Variants in SLFN12L observed in about 807,000 individuals in gnomAD.
SLFN12L encodes schlafen family member 12-like.
A neutral mutation model predicts 34.8 loss-of-function variants in SLFN12L; 34 were observed. The observed-to-expected ratio is 0.98, with a 90% CI of 0.74 to 1.30. SLFN12L has a LOEUF of 1.30. Among genes scored for constraint, SLFN12L ranks in the 50% most tolerant of loss-of-function variants. The pLI is 0.00. For missense variants in SLFN12L, 703 were observed against 696.2 expected, an observed-to-expected ratio of 1.01 and a Z score of -0.11; for synonymous variants, 259 against 247.5, an observed-to-expected ratio of 1.05 and a Z score of -0.44.
intron 4 of SLFN12L, among the ~76,000 whole-genome samples, chr17:35,476,454 CA>C (rs1914009776): frequency 4.7e-5 from 5 of 105,550 alleles, no homozygotes; most frequent in African/African-American, 7.2e-5. Context: ...GAAAAGAAAG[CA>C]AGGAAGGAAG....
chr17:35,537,179 CA>C (rs1044677321), intron 1 of SLFN12L, among the ~76,000 whole-genome samples: 7 of 146,926 alleles, frequency 4.8e-5, no homozygotes, highest in Admixed American at 6.8e-5. Context: ...GAACCTGTCT[CA>C]AAAAAAAAAG....
At position 35,474,421 on chromosome 17, in the gene SLFN12L, C is replaced by T. The variant is rs555765688; in HGVS notation, c.*502G>A. 1 of 152,750 alleles carries T rather than the reference C, an allele frequency of 6.5e-6. No individual in the cohort carries two copies. Among genetic ancestry groups the T allele is most frequent in the Middle Eastern group, 3.4e-3 (1 of 294 alleles). The allele number at this position is 152,750 out of a possible 1,614,324, so 9.5% of individuals were successfully genotyped here. A position where few individuals can be genotyped will look rare whatever the true frequency, so the allele number is the denominator to read the frequency against. On this transcript the variant is annotated 3_prime_UTR_variant, in exon 5 of 5. Coordinates refer to ENST00000628453, the MANE Select transcript of SLFN12L (RefSeq NM_001363830.2). Reference sequence around the variant, plus strand: ...TAGGCTAATCCCAGTTTTCCAACATCACGTCAAGTTGCCTAACTTGCAATG... The same window carrying T: ...TAGGCTAATCCCAGTTTTCCAACATTACGTCAAGTTGCCTAACTTGCAATG...
intron 2 of SLFN12L, 132 bp downstream of exon 2, chr17:35,522,147 T>C (rs1041132351): frequency 8.0e-7 from 1 of 1,245,624 alleles, no homozygotes; most frequent in African/African-American, 1.5e-5. Context: ...AATTACCCCA[T>C]TGTGCTCTCC....
Position 35,479,175 on chromosome 17 carries a change from G to A in SLFN12L, c.1107C>T (p.Asn369=). Residue 369 remains asparagine, a synonymous_variant, in exon 3 of 5, where the codon AAC becomes AAT. Coordinates refer to ENST00000628453, the MANE Select transcript of SLFN12L (RefSeq NM_001363830.2). ...CCTTCTCGGTCAACTGCTTAACTCT[G>A]TTATCTTTCACGTGCCAGGAATCAG... ...KKPDSWHVKD[N]RVKQLTEKEW... is the part of the protein sequence containing the mutation. 6.3e-7 allele frequency: 1 copy of A among 1,577,150 alleles called. No homozygotes were observed.
intron 2 of SLFN12L, among the ~76,000 whole-genome samples, chr17:35,485,754 T>G (rs1914554852): frequency 6.6e-6 from 1 of 152,232 alleles, no homozygotes; most frequent in South Asian, 2.1e-4. Context: ...GAATAGGGTG[T>G]CCTTTCTCCA....
chr17:35,511,659 G>C (rs964854131), intron 2 of SLFN12L, among the ~76,000 whole-genome samples: 2 of 151,954 alleles, frequency 1.3e-5, no homozygotes, highest in African/African-American at 2.4e-5. Context: ...TGAGGTGGAA[G>C]GATCCCTTGA....
intron 1 of SLFN12L, among the ~76,000 whole-genome samples, chr17:35,525,177 TG>T (rs1252860434): frequency 6.6e-6 from 1 of 151,852 alleles, no homozygotes; most frequent in Non-Finnish European, 1.5e-5. Context: ...TGAAAAGGAA[TG>T]AACAAAGCCT....
At chr17:35,515,935 C>A (rs993081749) in intron 2 of SLFN12L, among the ~76,000 whole-genome samples, 39 of 152,058 alleles carry the variant, frequency 2.6e-4, no homozygotes, top group African/African-American at 8.0e-4. Context: ...AGCCACCGCA[C>A]CCCGCCAGTG....
At chr17:35,529,339 T>C (rs951186605) in intron 1 of SLFN12L, among the ~76,000 whole-genome samples, 1 of 152,194 alleles carries the variant, frequency 6.6e-6, no homozygotes, top group Admixed American at 6.5e-5. Flanking sequence ...GCAATCCCAT[T>C]ACTGGGTATA....
intron 2 of SLFN12L, among the ~76,000 whole-genome samples, chr17:35,517,168 G>A (rs1221646208): frequency 6.6e-6 from 1 of 152,158 alleles, no homozygotes; most frequent in African/African-American, 2.4e-5. Flanking sequence ...CCATTCTTCA[G>A]TAAAAGGAAC....
At chr17:35,530,523 A>G (rs1198568965) in intron 1 of SLFN12L, among the ~76,000 whole-genome samples, 3 of 43,908 alleles carry the variant, frequency 6.8e-5, no homozygotes, top group South Asian at 6.0e-4. Flanking sequence ...AAAAGAAAAG[A>G]AAAGAAAAGA....
At chr17:35,483,160 A>G (rs371265497) in intron 2 of SLFN12L, among the ~76,000 whole-genome samples, 1 of 151,950 alleles carries the variant, frequency 6.6e-6, no homozygotes, top group African/African-American at 2.4e-5. Flanking sequence ...CGTAGGAAGG[A>G]CCAGTAGCAG....
At chr17:35,531,910 T>C (rs568726234) in intron 1 of SLFN12L, among the ~76,000 whole-genome samples, 35 of 151,900 alleles carry the variant, frequency 2.3e-4, no homozygotes, top group Non-Finnish European at 4.9e-4. Context: ...GCTGGGATTA[T>C]AGGTGTGAGC....
intron 2 of SLFN12L, among the ~76,000 whole-genome samples, chr17:35,497,630 G>C (rs1915137246): frequency 6.6e-6 from 1 of 151,986 alleles, no homozygotes; most frequent in Non-Finnish European, 1.5e-5. Flanking sequence ...CATCTGACTT[G>C]GTAATAAAAT....
At position 35,475,364 on chromosome 17, in the gene SLFN12L, G is replaced by A. The variant is rs369131378; in HGVS notation, c.1398C>T (p.Ile466=). 7 of 1,614,218 alleles carry A rather than the reference G, an allele frequency of 4.3e-6. No homozygotes were observed. The highest frequency in any genetic ancestry group is 3.3e-5 in the South Asian group (3 of 91,090). The change falls in exon 5 of 5, where the codon ATC becomes ATT. Residue 466 remains isoleucine, a synonymous_variant. Transcript: ENST00000628453. ...GATCCAAAGACCAGCTCCTAGAGAA[G>A]ATCAGTGAGCCCTTATTGACAGAGC... The part of the protein sequence containing the change: ...EMGSVNKGSL[I]FSRSWSLDLG...
intron 1 of SLFN12L, among the ~76,000 whole-genome samples, chr17:35,535,190 CTT>C (rs35271725): frequency 2.7e-4 from 36 of 131,182 alleles, no homozygotes; most frequent in South Asian, 2.5e-4. Context: ...TCTCTTTCTC[CTT>C]TTTTTTTTTT....
At position 35,479,838 on chromosome 17, in the gene SLFN12L, A is replaced by G. The variant is rs773909100; in HGVS notation, c.444T>C (p.Phe148=). The change falls in exon 3 of 5, where the codon TTT becomes TTC. Residue 148 remains phenylalanine (F), a synonymous_variant. Coordinates refer to ENST00000628453, the MANE Select transcript of SLFN12L (RefSeq NM_001363830.2). ...AGGTTTCCAAGCTCCATGATTTCAC[A>G]AAAATGTGAAAGTAGTTACCATTCT... ...FMQNGNYFHI[F]VKSWSLETSG... is the part of the protein sequence containing the mutation. The G allele has an allele frequency of 6.2e-7, 1 of 1,607,714 alleles. No homozygotes were observed. The highest frequency in any genetic ancestry group is 8.5e-7 in the Non-Finnish European group (1 of 1,176,418).
At chr17:35,527,239 C>T (rs2072345331) in intron 1 of SLFN12L, among the ~76,000 whole-genome samples, 1 of 152,040 alleles carries the variant, frequency 6.6e-6, no homozygotes, top group African/African-American at 2.4e-5. Flanking sequence ...ACCAGAAAAA[C>T]TCCAGGACCA....
Position 35,470,412 on chromosome 17 carries a change from C to T in SLFN12L, c.*4511G>A, listed in dbSNP as rs1361109595. On this transcript the variant is annotated 3_prime_UTR_variant, in exon 5 of 5. Transcript: ENST00000628453. The stretch of plus-strand genomic sequence containing the variant: ...CCAGATAACAGGCTCTTGTCATTTT[C>T]CCAATCTTTCCTCATTGCAATGTTC... 1 of 154,622 alleles carries T rather than the reference C, an allele frequency of 6.5e-6. No homozygotes were observed. Among genetic ancestry groups the T allele is most frequent in the African/African-American group, 2.4e-5 (1 of 41,458 alleles). 9.6% of individuals were successfully genotyped at this position (154,622 alleles called of 1,614,324 possible).
Sources: allele counts gnomAD v4.1 joint callset (sites outside exome capture counted in the v4.1 genomes callset), GRCh38; gene constraint gnomAD v4.1.1; transcripts MANE v1.5; gene names NCBI Gene and HGNC (gene_info 2026-07-23, HGNC 2026-07-21).